Variants in POC5 observed in about 807,000 individuals in gnomAD.
The protein encoded by POC5 is centrosomal protein POC5.
A neutral mutation model predicts 62.9 loss-of-function variants in POC5; 48 were observed. The observed-to-expected ratio is 0.76, with a 90% CI of 0.61 to 0.97. The LOEUF is 0.97. Among genes scored for constraint, POC5 ranks in the 50% least tolerant of loss-of-function variants. The probability of loss-of-function intolerance (pLI) is 0.00; values close to 1 mark genes in which losing one functional copy is unlikely to be tolerated. For synonymous variants in POC5, 236 were observed against 228.2 expected, an observed-to-expected ratio of 1.03 and a Z score of -0.31; for missense variants, 696 against 679.5, an observed-to-expected ratio of 1.02 and a Z score of -0.27.
At chr5:75,697,083 TG>T (rs1776635955) in intron 5 of POC5, among the ~76,000 whole-genome samples, 1 of 152,122 alleles carries the variant, frequency 6.6e-6, no homozygotes. Flanking sequence ...GTCTCATTGG[TG>T]TACCTGAAAG....
intron 2 of POC5, among the ~76,000 whole-genome samples, chr5:75,711,604 T>C (rs1021568070): frequency 4.6e-5 from 7 of 152,222 alleles, no homozygotes; most frequent in African/African-American, 1.7e-4. Flanking sequence ...TGTATTTATA[T>C]TTTGAAGTGC....
Position 75,685,330 on chromosome 5 carries a change from G to A in POC5, c.1284C>T (p.Ser428=), listed in dbSNP as rs779573399. 8.1e-6 allele frequency: 13 copies of A among 1,613,894 alleles called. No individual in the cohort carries two copies. The highest frequency in any genetic ancestry group is 2.2e-5 in the East Asian group (1 of 44,896). ...PSPPAAVGGA[S]ATAVPSAASM... ...AAGCAGCTGAGGGAACGGCAGTCGC[G>A]CTGGCTCCTCCGACGGCGGCTGGTG... Residue 428 remains serine, a synonymous_variant, in exon 10 of 12, where the codon AGC becomes AGT. Coordinates refer to ENST00000428202, the MANE Select transcript of POC5 (RefSeq NM_001099271.2).
At chr5:75,675,878 C>A (rs1439036618) in intron 11 of POC5, among the ~76,000 whole-genome samples, 3 of 152,234 alleles carry the variant, frequency 2.0e-5, no homozygotes, top group Non-Finnish European at 4.4e-5. Flanking sequence ...TACAGTGTCA[C>A]AAATCGCATC....
At position 75,694,689 on chromosome 5, in the gene POC5, T is replaced by C. The variant is rs1259259181; in HGVS notation, c.656A>G (p.Lys219Arg). Residue 219 changes from lysine to arginine, a missense_variant, in exon 6 of 12, where the codon AAA (lysine) becomes AGA (arginine). Transcript: ENST00000428202. ...TCTCCCAATGGAGATTTCAAAGGTT[T>C]TTTGCAGCTCCTTCAATTCATTGAT... Reference protein sequence around the residue: ...NQINELKELQKTFEISIGRKD... With the variant: ...NQINELKELQRTFEISIGRKD... 6.3e-7 allele frequency: 1 copy of C among 1,577,548 alleles called. No individual in the cohort carries two copies. Among genetic ancestry groups the C allele is most frequent in the Non-Finnish European group, 8.6e-7 (1 of 1,167,530 alleles).
chr5:75,711,396 T>C (rs1438510165), intron 2 of POC5, among the ~76,000 whole-genome samples: 3 of 152,120 alleles, frequency 2.0e-5, no homozygotes, highest in African/African-American at 7.2e-5. Context: ...TTTCAGTGTA[T>C]AAGCACTATG....
At chr5:75,675,352 T>G (rs1017108817) in intron 11 of POC5, among the ~76,000 whole-genome samples, 9 of 152,220 alleles carry the variant, frequency 5.9e-5, no homozygotes, top group African/African-American at 1.9e-4. Flanking sequence ...TATCAAGTTC[T>G]CAGTCCATAT....
At chr5:75,693,088 CAT>C (rs1385101055) in intron 6 of POC5, among the ~76,000 whole-genome samples, 6 of 135,502 alleles carry the variant, frequency 4.4e-5, no homozygotes, top group Non-Finnish European at 8.2e-5. Context: ...CTATTAATAA[CAT>C]ATATAACATA....
At chr5:75,681,330 A>G (rs1275121148) in intron 10 of POC5, among the ~76,000 whole-genome samples, 2 of 152,168 alleles carry the variant, frequency 1.3e-5, no homozygotes, top group Non-Finnish European at 2.9e-5. Context: ...ATTCAAATGA[A>G]GAGGAAAATT....
chr5:75,712,549 A>C, intron 2 of POC5: 1 of 1,186,344 alleles, frequency 8.4e-7, no homozygotes, highest in Non-Finnish European at 1.2e-6. Context: ...CATTCATGAG[A>C]GGTAGCTAAA....
rs1034943127 is a variant in POC5, at chr5:75,676,622, C to T, written c.1584+1152G>A. On this transcript the variant is annotated intron_variant, in intron 11 of 11. Coordinates refer to ENST00000428202, the MANE Select transcript of POC5 (RefSeq NM_001099271.2). ...TTAGAAAGTACACAGGAACGTTGTC[C>T]GATGCTGAGAATTTATAGAGGGCAT... Among the ~76,000 whole-genome samples, 10 of 151,942 alleles carry T rather than the reference C, an allele frequency of 6.6e-5. 1 individual carries two copies. The South Asian group carries it at 1.0e-3, about 16-fold the overall frequency.
chr5:75,696,937 C>T (rs1326173942), intron 5 of POC5, among the ~76,000 whole-genome samples: 1 of 151,728 alleles, frequency 6.6e-6, no homozygotes, highest in African/African-American at 2.4e-5. Flanking sequence ...ATGCGATCAA[C>T]TGGAAGAAAG....
chr5:75,691,249 T>C (rs1776320476), intron 7 of POC5, among the ~76,000 whole-genome samples: 1 of 152,218 alleles, frequency 6.6e-6, no homozygotes, highest in Non-Finnish European at 1.5e-5. Flanking sequence ...TAAATATTCA[T>C]TTTAACCAGC....
chr5:75,697,971 AG>A (rs1776686766), intron 5 of POC5, among the ~76,000 whole-genome samples: 1 of 143,838 alleles, frequency 7.0e-6, no homozygotes, highest in Non-Finnish European at 1.5e-5. Flanking sequence ...GAGACAAAGA[AG>A]GCCATTACAT....
intron 5 of POC5, among the ~76,000 whole-genome samples, chr5:75,699,635 G>A (rs1776777313): frequency 1.4e-5 from 2 of 138,154 alleles, no homozygotes; most frequent in South Asian, 5.2e-4. Context: ...AAAACTGGAA[G>A]CATTCCCTTT....
chr5:75,689,581 G>A (rs1776234065), intron 8 of POC5: 3 of 983,134 alleles, frequency 3.1e-6, no homozygotes, highest in Non-Finnish European at 3.6e-6. Flanking sequence ...TAATGTAAAT[G>A]TTACCTTCAG....
intron 5 of POC5, among the ~76,000 whole-genome samples, chr5:75,696,528 A>G (rs1776599776): frequency 6.6e-6 from 1 of 151,846 alleles, no homozygotes; most frequent in Non-Finnish European, 1.5e-5. Context: ...ACTAACAAAC[A>G]GAAAGGACAT....
intron 2 of POC5, among the ~76,000 whole-genome samples, chr5:75,708,841 C>CTT (rs544465124): frequency 6.6e-6 from 1 of 151,192 alleles, no homozygotes; most frequent in African/African-American, 2.4e-5. Context: ...TTTTTTTCTT[C>CTT]TTTTTTTTTG....
At chr5:75,708,261 C>A (rs1385719735) in intron 2 of POC5, among the ~76,000 whole-genome samples, 1 of 152,066 alleles carries the variant, frequency 6.6e-6, no homozygotes, top group Non-Finnish European at 1.5e-5. Context: ...GCAGGAGGAC[C>A]ACTTAAGCCT....
At chr5:75,686,590 A>G (rs1776106662) in intron 9 of POC5, among the ~76,000 whole-genome samples, 1 of 152,202 alleles carries the variant, frequency 6.6e-6, no homozygotes. Flanking sequence ...ACACACACTG[A>G]GTTTTAACTT....
Sources: allele counts gnomAD v4.1 joint callset (sites outside exome capture counted in the v4.1 genomes callset), GRCh38; gene constraint gnomAD v4.1.1; transcripts MANE v1.5; gene names NCBI Gene and HGNC (gene_info 2026-07-23, HGNC 2026-07-21).